PTPRF: variants seen among roughly 807,000 people sequenced by gnomAD.
PTPRF encodes receptor-type tyrosine-protein phosphatase F.
In PTPRF, 59 loss-of-function variants were observed where a neutral mutation model predicts 201.8. The ratio of observed to expected loss-of-function variants is 0.29; its 90% CI spans 0.24 to 0.36. The LOEUF is 0.36. PTPRF is among the 10% of genes least tolerant of loss of function. PTPRF has a pLI of 1.00. For missense variants in PTPRF, 2,132 were observed against 2,690.5 expected (o/e 0.79, Z 4.59); for synonymous variants, 1,088 against 1,089.7 (o/e 1.00, Z 0.03).
chr1:43,588,739 G>A lies in PTPRF; in HGVS notation c.688G>A (p.Val230Met), dbSNP rs1299856963. 1 of 1,613,222 alleles carries A rather than the reference G, an allele frequency of 6.2e-7. No homozygotes were observed. The highest frequency in any genetic ancestry group is 1.1e-5 in the South Asian group (1 of 91,054). ...TCTCCCTCCTCCTGCAGTGCGCCGC[G>A]TGGCTCCTCGTTTCTCCATCCCTCC... The part of the protein sequence containing the change: ...PANLYVRVRR[V>M]APRFSIPPSS... Residue 230 changes from valine to methionine, a missense_variant, in exon 8 of 34, where the codon GTG (valine) becomes ATG (methionine). This residue lies in a region of PTPRF where 297 missense variants were observed against 454.0 expected (regional missense o/e 0.65). Coordinates refer to ENST00000359947, the MANE Select transcript of PTPRF (RefSeq NM_002840.5). This position sits in a 1 kb window ranked among gnomAD's most constrained non-coding sequence, Gnocchi z 5.3.
Position 43,597,971 on chromosome 1 carries a change from G to A in PTPRF, c.2037G>A (p.Glu679=), listed in dbSNP as rs1400441852. 3.2e-6 allele frequency: 5 copies of A among 1,554,880 alleles called. No individual in the cohort carries two copies. The highest frequency in any genetic ancestry group is 1.9e-5 in the Admixed American group (1 of 51,584). The part of the protein sequence containing the change: ...WDLVGLEKWT[E]YRVWVRAHTD... ...TGGTGGGCCTGGAGAAGTGGACGGA[G>A]TACCGGGTGTGGGTGCGGGCACACA... is the stretch of plus-strand genomic sequence containing the variant. Residue 679 remains glutamate, a synonymous_variant, in exon 12 of 34, where the codon GAG becomes GAA. Coordinates refer to ENST00000359947, the MANE Select transcript of PTPRF (RefSeq NM_002840.5).
chr1:43,550,152 T>C (rs1223494048), intron 3 of PTPRF, among the ~76,000 whole-genome samples: 4 of 116,282 alleles, frequency 3.4e-5, no homozygotes, highest in African/African-American at 1.3e-4. Flanking sequence ...CCTAGTCTGT[T>C]GGGTGGGCGG....
At chr1:43,619,955 A>G in intron 29 of PTPRF, 97 bp downstream of exon 29, 1 of 1,561,690 alleles carries the variant, frequency 6.4e-7, no homozygotes, top group Non-Finnish European at 8.7e-7. Context: ...AGCCTAGAAG[A>G]CCAGAGAGGG....
At chr1:43,610,678 G>A (rs570225153) in intron 22 of PTPRF, among the ~76,000 whole-genome samples, 22 of 152,194 alleles carry the variant, frequency 1.4e-4, no homozygotes, top group African/African-American at 3.6e-4. Context: ...TCAGGAGTTC[G>A]AGACCAGCTA....
chr1:43,589,584 C>T (rs979590583), intron 8 of PTPRF, among the ~76,000 whole-genome samples: 1 of 151,206 alleles, frequency 6.6e-6, no homozygotes, highest in Non-Finnish European at 1.5e-5. Context: ...TGGCCAGGCA[C>T]GGTGGCTCAT....
intron 19 of PTPRF, 144 bp from the exon 20 acceptor site, chr1:43,606,096 G>A: frequency 3.6e-6 from 3 of 830,484 alleles, no homozygotes; most frequent in East Asian, 2.7e-5. Context: ...TACTCTGTAG[G>A]GGCAGTGGGT....
In PTPRF at chr1:43,619,776, G is replaced by A. The variant is rs1463828635; in HGVS notation, c.5029G>A (p.Glu1677Lys). 6.2e-7 allele frequency: 1 copy of A among 1,614,262 alleles called. No individual in the cohort carries two copies. The highest frequency in any genetic ancestry group is 8.5e-7 in the Non-Finnish European group (1 of 1,180,036). Residue 1677 changes from glutamate (E) to lysine (K), a missense_variant, in exon 29 of 34, where the codon GAA (glutamate) becomes AAA (lysine). Physicochemically the swap from Glu to Lys is moderately conservative, Grantham distance 56. Around this residue, in one of 6 missense-constraint regions of PTPRF, gnomAD observed 519 missense variants for 659.5 expected, o/e 0.79. Coordinates refer to ENST00000359947, the MANE Select transcript of PTPRF (RefSeq NM_002840.5). ...CCGGCTGGTGAACATCATGCCCTAC[G>A]AATTGACCCGTGTGTGTCTGCAGCC... Reference protein sequence around the residue: ...KNRLVNIMPYELTRVCLQPIR... With the variant: ...KNRLVNIMPYKLTRVCLQPIR...
chr1:43,567,065 A>C (rs1232145206), intron 5 of PTPRF, among the ~76,000 whole-genome samples: 1 of 152,062 alleles, frequency 6.6e-6, no homozygotes, highest in Non-Finnish European at 1.5e-5. Context: ...GCGGGTGGAG[A>C]TGAAGGCCAC....
intron 6 of PTPRF, among the ~76,000 whole-genome samples, chr1:43,570,747 A>C (rs1424814917): frequency 6.6e-6 from 1 of 152,276 alleles, no homozygotes; most frequent in African/African-American, 2.4e-5. Flanking sequence ...CCAGCAGGGC[A>C]AGATTCTGGC....
rs187216097 is a variant in PTPRF, at chr1:43,545,385, G to A, written c.91+219G>A. The stretch of plus-strand genomic sequence containing the variant: ...CTTTAGGCACCAGAGCGGGGCAGTC[G>A]AATCGTGACCCTGTCTTATGGGGCT... On this transcript the variant is annotated intron_variant, in intron 3 of 33. Coordinates refer to ENST00000359947, the MANE Select transcript of PTPRF (RefSeq NM_002840.5). 1.2e-3 allele frequency among the ~76,000 whole-genome samples: 176 copies of A among 152,220 alleles called. 1 individual carries two copies. Among genetic ancestry groups the A allele is most frequent in the Admixed American group, 2.1e-3 (32 of 15,302 alleles).
At chr1:43,534,218 C>T (rs929222972) in intron 1 of PTPRF, among the ~76,000 whole-genome samples, 2 of 152,158 alleles carry the variant, frequency 1.3e-5, no homozygotes, top group Admixed American at 6.5e-5. Context: ...TCACAGAGGG[C>T]ATTGAATGCC....
Position 43,604,196 on chromosome 1 carries a change from G to T in PTPRF, c.3037+7G>T. ...ACCATGCCGGTGGAGCAAGGTGTGTGCTGTGGACATGGCATCCCTTCCCGA... is the reference window on the plus strand; with the variant it reads ...ACCATGCCGGTGGAGCAAGGTGTGTTCTGTGGACATGGCATCCCTTCCCGA... On this transcript the variant is annotated splice_region_variant and intron_variant, in intron 16 of 33. Coordinates refer to ENST00000359947, the MANE Select transcript of PTPRF (RefSeq NM_002840.5). The T allele has an allele frequency of 6.2e-7, 1 of 1,611,234 alleles. No homozygotes were observed. Among genetic ancestry groups the T allele is most frequent in the Non-Finnish European group, 8.5e-7 (1 of 1,178,104 alleles).
At chr1:43,596,394 C>A (rs1652267692) in intron 11 of PTPRF, among the ~76,000 whole-genome samples, 1 of 151,864 alleles carries the variant, frequency 6.6e-6, no homozygotes, top group Admixed American at 6.6e-5. Context: ...CTGCTGAAGT[C>A]CCCATGGCAG....
intron 6 of PTPRF, chr1:43,575,823 T>A: frequency 8.2e-7 from 1 of 1,214,282 alleles, no homozygotes; most frequent in Non-Finnish European, 1.1e-6. Context: ...TGTGTTTTAT[T>A]TTACCTGATT....
upstream of PTPRF, among the ~76,000 whole-genome samples, chr1:43,522,974 T>G (rs950915411): frequency 6.6e-6 from 1 of 152,094 alleles, no homozygotes; most frequent in African/African-American, 2.4e-5. Flanking sequence ...AGAGCAGATG[T>G]AGAGAGATCA....
At chr1:43,571,490 G>C (rs1220812542) in intron 6 of PTPRF, among the ~76,000 whole-genome samples, 2 of 152,222 alleles carry the variant, frequency 1.3e-5, no homozygotes, top group Non-Finnish European at 2.9e-5. Flanking sequence ...GTGGTGATCA[G>C]TGATGAGTGA....
chr1:43,590,543 C>A (rs1650389482), intron 8 of PTPRF, among the ~76,000 whole-genome samples: 1 of 152,208 alleles, frequency 6.6e-6, no homozygotes, highest in Non-Finnish European at 1.5e-5. Flanking sequence ...AAGGAAATAT[C>A]TCCCCTTCCC....
At chr1:43,541,290 A>C (rs1355778230) in intron 2 of PTPRF, among the ~76,000 whole-genome samples, 1 of 152,250 alleles carries the variant, frequency 6.6e-6, no homozygotes, top group Admixed American at 6.5e-5. Context: ...TTGCGTATTT[A>C]TGATGAGGAC....
At chr1:43,585,663 A>G (rs1255414376) in intron 7 of PTPRF, among the ~76,000 whole-genome samples, 4 of 152,154 alleles carry the variant, frequency 2.6e-5, no homozygotes, top group Non-Finnish European at 5.9e-5. Context: ...GAGGCTTTAG[A>G]AGACGTGGCT....
Sources: allele counts gnomAD v4.1 joint callset (sites outside exome capture counted in the v4.1 genomes callset), GRCh38; gene constraint gnomAD v4.1.1; regional missense constraint gnomAD v4.1.1; non-coding constraint Gnocchi (gnomAD v3.1); transcripts MANE v1.5; gene names NCBI Gene and HGNC (gene_info 2026-07-23, HGNC 2026-07-21).